The following SPTBN1 variants were observed in gnomAD, a reference collection of about 807,000 sequenced individuals.
SPTBN1 encodes the protein spectrin beta, non-erythrocytic 1.
SPTBN1 carries 32 observed loss-of-function variants against 266.4 expected under a neutral mutation model. The ratio of observed to expected loss-of-function variants is 0.12; its 90% confidence interval spans 0.09 to 0.16. SPTBN1 has a LOEUF of 0.16. Among genes scored for constraint, SPTBN1 ranks in the 10% least tolerant of loss-of-function variants. SPTBN1 has a pLI of 1.00. For missense variants in SPTBN1, 2,296 were observed against 3,067.1 expected (o/e 0.75, Z 5.94); for synonymous variants, 1,336 against 1,162.2 (o/e 1.15, Z -3.04).
intron 2 of SPTBN1, among the ~76,000 whole-genome samples, chr2:54,565,995 A>G (rs1351149081): frequency 1.3e-5 from 2 of 152,118 alleles, no homozygotes; most frequent in African/African-American, 4.8e-5. Flanking sequence ...ACAGAGCATT[A>G]AGTTTTTAGT....
intron 3 of SPTBN1, among the ~76,000 whole-genome samples, chr2:54,604,688 G>A (rs1277534553): frequency 6.6e-6 from 1 of 152,186 alleles, no homozygotes; most frequent in Non-Finnish European, 1.5e-5. Context: ...TCCTGTTTTA[G>A]AGCGAGAAAG....
At chr2:54,500,994 A>G (rs1046569562) in intron 1 of SPTBN1, among the ~76,000 whole-genome samples, 7 of 152,216 alleles carry the variant, frequency 4.6e-5, no homozygotes, top group African/African-American at 1.7e-4. Context: ...GAGCAGCTAG[A>G]TGACTTGTCC....
chr2:54,649,662 T>C lies in SPTBN1; in HGVS notation c.5250T>C (p.Ile1750=), dbSNP rs1301533801. 6.2e-7 allele frequency: 1 copy of C among 1,612,336 alleles called. No homozygotes were observed. The highest frequency in any genetic ancestry group is 8.5e-7 in the Non-Finnish European group (1 of 1,178,598). ...AGTTTGCCCGAGACACCGGGAACAT[T>C]GGGCAGGAGCGCGTGGACACGGTCA... ...FREFARDTGN[I]GQERVDTVNH... is the part of the protein sequence containing the mutation. Residue 1750 remains isoleucine (I), a synonymous_variant, in exon 26 of 36, where the codon ATT becomes ATC. Transcript: ENST00000356805. The surrounding 1 kb of genome is among the most constrained non-coding windows in gnomAD (Gnocchi z 6.7).
chr2:54,533,767 T>G lies in SPTBN1; in HGVS notation c.148+7201T>G, dbSNP rs927969179. ...GGTTTCACCATGTTGGCCAGGCTGG[T>G]CTCGAACTCCTGACCCCAGGTGATC... On this transcript the variant is annotated intron_variant, in intron 2 of 35. Transcript: ENST00000356805. This position sits in a 1 kb window ranked among gnomAD's most constrained non-coding sequence, Gnocchi z 4.2. Among the ~76,000 whole-genome samples the G allele has an allele frequency of 2.0e-5, 3 of 152,114 alleles. No individual in the cohort carries two copies. The highest frequency in any genetic ancestry group is 2.9e-5 in the Non-Finnish European group (2 of 68,016).
chr2:54,600,219 G>A (rs1472527592), intron 3 of SPTBN1, among the ~76,000 whole-genome samples: 4 of 152,146 alleles, frequency 2.6e-5, no homozygotes, highest in Admixed American at 2.6e-4. Flanking sequence ...TGTCCTATTT[G>A]TTATCAGCTC....
intron 1 of SPTBN1, among the ~76,000 whole-genome samples, chr2:54,500,340 G>A (rs1032468640): frequency 6.6e-6 from 1 of 152,032 alleles, no homozygotes; most frequent in African/African-American, 2.4e-5. Context: ...GGCCTCAGGT[G>A]TTCCCAGGAC....
intron 1 of SPTBN1, among the ~76,000 whole-genome samples, chr2:54,507,343 T>C (rs1051664903): frequency 3.3e-5 from 5 of 151,842 alleles, no homozygotes; most frequent in African/African-American, 1.2e-4. Context: ...TGGTAAAGTG[T>C]TGGGGTGGGG....
At chr2:54,544,089 C>A (rs1672099814) in intron 2 of SPTBN1, among the ~76,000 whole-genome samples, 1 of 152,144 alleles carries the variant, frequency 6.6e-6, no homozygotes, top group Non-Finnish European at 1.5e-5. Flanking sequence ...CATTATAGAA[C>A]ATTACTATAA....
intron 2 of SPTBN1, among the ~76,000 whole-genome samples, chr2:54,582,008 C>T (rs1674946884): frequency 6.6e-6 from 1 of 152,024 alleles, no homozygotes; most frequent in African/African-American, 2.4e-5. Flanking sequence ...ATTATCAGCA[C>T]CGAGAATACG....
rs755674145 is a variant in SPTBN1, at chr2:54,558,756, T to C, written c.148+32190T>C. The C allele has an allele frequency of 1.9e-6, 3 of 1,608,656 alleles. No individual in the cohort carries two copies. Among genetic ancestry groups the C allele is most frequent in the African/African-American group, 2.7e-5 (2 of 74,790 alleles). ...GAGCGAGATTTCCAGGGCGCAGTCCTCCGGGGCGTTACGCCGGGCATAATG... is the reference window on the plus strand; with the variant it reads ...GAGCGAGATTTCCAGGGCGCAGTCCCCCGGGGCGTTACGCCGGGCATAATG... On this transcript the variant is annotated intron_variant, in intron 2 of 35. Coordinates refer to ENST00000356805, the MANE Select transcript of SPTBN1 (RefSeq NM_003128.3). The surrounding 1 kb of genome is among the most constrained non-coding windows in gnomAD (Gnocchi z 4.6).
chr2:54,650,047 T>C (rs955619854), intron 26 of SPTBN1, 58 bp downstream of exon 26: 1 of 1,538,166 alleles, frequency 6.5e-7, no homozygotes, highest in African/African-American at 1.4e-5. Flanking sequence ...AGAACATCTT[T>C]GGGCATCTGT....
intron 2 of SPTBN1, among the ~76,000 whole-genome samples, chr2:54,595,808 C>T (rs553672530): frequency 6.6e-5 from 10 of 152,256 alleles, no homozygotes; most frequent in Non-Finnish European, 1.0e-4. Flanking sequence ...TCCTGTGTAC[C>T]GCAGGATGTT....
chr2:54,517,647 T>C (rs1346680849), intron 1 of SPTBN1, among the ~76,000 whole-genome samples: 2 of 151,810 alleles, frequency 1.3e-5, no homozygotes, highest in African/African-American at 4.8e-5. Flanking sequence ...ATGGTGCCTT[T>C]TTTTTTTTTT....
At position 54,456,930 on chromosome 2, in the gene SPTBN1, G is replaced by GAGCGGACAGCGGACAGCGGAC. The variant is rs145364614; in HGVS notation, c.-48+429_-48+430insGGACAGCGGACAGCGGACAGC. On this transcript the variant is annotated intron_variant, in intron 1 of 35. Coordinates refer to ENST00000356805, the MANE Select transcript of SPTBN1 (RefSeq NM_003128.3). ...GGCCCCTGGCGCGGAGGTGGGTGCGGAGCGGACAGCGGACAGCCGGAGGGT... is the reference window on the plus strand; with the variant it reads ...GGCCCCTGGCGCGGAGGTGGGTGCGGAGCGGACAGCGGACAGCGGACAGCGGACAGCGGACAGCCGGAGGGT... 4.0e-5 allele frequency among the ~76,000 whole-genome samples: 6 copies of GAGCGGACAGCGGACAGCGGAC among 150,498 alleles called. No individual in the cohort carries two copies. The South Asian group carries it at 6.2e-4, about 16-fold the overall frequency.
intron 3 of SPTBN1, among the ~76,000 whole-genome samples, chr2:54,609,462 T>TC (rs1269689417): frequency 5.9e-5 from 9 of 152,242 alleles, no homozygotes; most frequent in Non-Finnish European, 1.2e-4. Context: ...TCGATGGCTT[T>TC]CACAGCTTTT....
intron 2 of SPTBN1, among the ~76,000 whole-genome samples, chr2:54,546,184 A>G (rs1274777030): frequency 1.3e-5 from 2 of 152,138 alleles, no homozygotes; most frequent in Admixed American, 6.5e-5. Flanking sequence ...TACAAGGACA[A>G]TTTTTTGATC....
chr2:54,524,165 C>A (rs1670659883), intron 1 of SPTBN1, among the ~76,000 whole-genome samples: 1 of 152,028 alleles, frequency 6.6e-6, no homozygotes, highest in Admixed American at 6.5e-5. Flanking sequence ...TGCCACTGCA[C>A]TCCAGCCTGG....
At chr2:54,615,240 T>C (rs1323881605) in intron 4 of SPTBN1, among the ~76,000 whole-genome samples, 1 of 152,178 alleles carries the variant, frequency 6.6e-6, no homozygotes, top group African/African-American at 2.4e-5. Context: ...TTTTCTCTGT[T>C]TTTCAAAAAG....
At chr2:54,590,378 C>T (rs1331003506) in intron 2 of SPTBN1, among the ~76,000 whole-genome samples, 1 of 152,206 alleles carries the variant, frequency 6.6e-6, no homozygotes, top group African/African-American at 2.4e-5. Context: ...TTATCGAGAA[C>T]CTAGTTGTTG....
Sources: gnomAD v4.1 joint callset for allele counts (sites outside exome capture counted in the v4.1 genomes callset) on GRCh38, gnomAD v4.1.1 for gene constraint, Gnocchi (gnomAD v3.1) non-coding constraint, MANE v1.5 for transcripts, NCBI Gene and HGNC (gene_info 2026-07-23, HGNC 2026-07-21) for gene names.